The following CASR variants were observed in gnomAD, a reference collection of about 807,000 sequenced individuals.
CASR encodes the protein extracellular calcium-sensing receptor.
A neutral mutation model predicts 69.1 loss-of-function variants in CASR; 23 were observed. The ratio of observed to expected loss-of-function variants is 0.33; its 90% CI spans 0.24 to 0.47. The LOEUF is 0.47. Among genes scored for constraint, CASR ranks in the 20% least tolerant of loss-of-function variants. The probability of loss-of-function intolerance (pLI) is 1.00; values close to 1 mark genes in which losing one functional copy is unlikely to be tolerated. For missense variants in CASR, 924 were observed against 1,356.1 expected (o/e 0.68, Z 5.00); for synonymous variants, 541 against 544.7 (o/e 0.99, Z 0.10).
intron 4 of CASR, among the ~76,000 whole-genome samples, chr3:122,264,232 A>G (rs564172805): frequency 6.6e-6 from 1 of 152,324 alleles, no homozygotes; most frequent in African/African-American, 2.4e-5. Flanking sequence ...TCATGTCACT[A>G]AAAATCTCAG....
At chr3:122,271,527 G>A (rs555328200) in intron 4 of CASR, among the ~76,000 whole-genome samples, 14 of 152,256 alleles carry the variant, frequency 9.2e-5, no homozygotes, top group African/African-American at 3.4e-4. Flanking sequence ...AACTACAAAT[G>A]TCGGTTTCAC....
chr3:122,279,575 T>C (rs569851778), intron 5 of CASR, among the ~76,000 whole-genome samples: 1 of 152,298 alleles, frequency 6.6e-6, no homozygotes, highest in African/African-American at 2.4e-5. Context: ...AGTTCATAAA[T>C]GTAGCTTATT....
At chr3:122,280,520 A>G (rs751475418) in intron 5 of CASR, among the ~76,000 whole-genome samples, 20 of 152,200 alleles carry the variant, frequency 1.3e-4, no homozygotes, top group Admixed American at 7.2e-4. Context: ...TCAAGGACTG[A>G]GAGCACATCT....
chr3:122,272,881 A>G (rs1426271233), intron 4 of CASR, among the ~76,000 whole-genome samples: 1 of 152,236 alleles, frequency 6.6e-6, no homozygotes, highest in Non-Finnish European at 1.5e-5. Flanking sequence ...TGAAGTTAGG[A>G]TTATGGTGGA....
intron 1 of CASR, among the ~76,000 whole-genome samples, chr3:122,226,712 G>A (rs748740268): frequency 3.9e-5 from 6 of 152,140 alleles, no homozygotes; most frequent in Non-Finnish European, 8.8e-5. Flanking sequence ...ACAGAGTGCT[G>A]ATTGGTGCAT....
chr3:122,212,264 TG>T (rs2074075732), intron 1 of CASR, among the ~76,000 whole-genome samples: 1 of 152,170 alleles, frequency 6.6e-6, no homozygotes. Context: ...TGCAGGGACA[TG>T]GATGGAGCTG....
intron 1 of CASR, among the ~76,000 whole-genome samples, chr3:122,222,430 G>C (rs927727155): frequency 6.6e-6 from 1 of 152,058 alleles, no homozygotes; most frequent in African/African-American, 2.4e-5. Flanking sequence ...GGGGTTACTA[G>C]TCTTATATCA....
intron 1 of CASR, among the ~76,000 whole-genome samples, chr3:122,201,619 CG>C (rs1469603540): frequency 3.6e-5 from 5 of 139,680 alleles, no homozygotes; most frequent in African/African-American, 1.5e-4. Flanking sequence ...GGCGGCTGGC[CG>C]GGCGGGGGCG....
rs1470847651 is a variant in CASR, at chr3:122,287,904, G to A, written c.*2713G>A. 1 of 152,208 alleles carries A rather than the reference G, an allele frequency of 6.6e-6. No individual in the cohort carries two copies. 9.4% of individuals were successfully genotyped at this position (152,208 alleles called of 1,614,324 possible). A position where few individuals can be genotyped will look rare whatever the true frequency, so the allele number is the denominator to read the frequency against. ...CACAGAGCTTATGGAGGCTAACAAAGCTTCCAGGGTACCAGAGAAGAAACA... is the reference window on the plus strand; with the variant it reads ...CACAGAGCTTATGGAGGCTAACAAAACTTCCAGGGTACCAGAGAAGAAACA... On this transcript the variant is annotated 3_prime_UTR_variant, in exon 7 of 7. Coordinates refer to ENST00000639785, the MANE Select transcript of CASR (RefSeq NM_000388.4).
In CASR at chr3:122,291,256, G is replaced by T. The variant is rs537767625; in HGVS notation, c.*6065G>T. ...TTGGGTATATACCCAGTAATGGGAT[G>T]GCTGGGTCAAATGGTATTTCTAGTT... On this transcript the variant is annotated 3_prime_UTR_variant, in exon 7 of 7. Transcript: ENST00000639785. 6.6e-6 allele frequency: 1 copy of T among 151,668 alleles called. No homozygotes were observed. Among genetic ancestry groups the T allele is most frequent in the African/African-American group, 2.4e-5 (1 of 41,338 alleles). 9.4% of individuals were successfully genotyped at this position (151,668 alleles called of 1,614,324 possible).
intron 1 of CASR, among the ~76,000 whole-genome samples, chr3:122,240,988 T>A (rs566510068): frequency 6.6e-6 from 1 of 152,104 alleles, no homozygotes; most frequent in East Asian, 1.9e-4. Context: ...AAGCAAATGA[T>A]AATAGAAACA....
chr3:122,200,292 T>C (rs570437693), intron 1 of CASR, among the ~76,000 whole-genome samples: 20 of 152,246 alleles, frequency 1.3e-4, no homozygotes, highest in Non-Finnish European at 2.1e-4. Flanking sequence ...ATTTGATCAT[T>C]ACACATTGTA....
intron 1 of CASR, among the ~76,000 whole-genome samples, chr3:122,235,833 A>G (rs35047509): frequency 0.081 from 12,286 of 152,288 alleles, 586 homozygotes; most frequent in Middle Eastern, 0.16. Flanking sequence ...CATTTAAACA[A>G]TCATTTTTAG....
rs143047343 is a variant in CASR, at chr3:122,282,142, C to T, written c.1638C>T (p.Cys546=). The T allele has an allele frequency of 4.8e-5, 78 of 1,614,058 alleles. No individual in the cohort carries two copies. The highest frequency in any genetic ancestry group is 1.6e-4 in the Middle Eastern group (1 of 6,084). The part of the protein sequence containing the change: ...EVPFSNCSRD[C]LAGTRKGIIE... ...CCTTCTCCAACTGCAGCCGAGACTG[C>T]CTGGCAGGGACCAGGAAAGGGATCA... The change falls in exon 6 of 7, where the codon TGC becomes TGT. Residue 546 remains cysteine, a synonymous_variant. Transcript: ENST00000639785.
chr3:122,232,342 A>C (rs1183786665), intron 1 of CASR, among the ~76,000 whole-genome samples: 1 of 152,124 alleles, frequency 6.6e-6, no homozygotes, highest in Non-Finnish European at 1.5e-5. Context: ...AGAGCACGAG[A>C]GTGAGGCCTG....
chr3:122,221,611 A>G (rs1011108826), intron 1 of CASR, among the ~76,000 whole-genome samples: 10 of 152,274 alleles, frequency 6.6e-5, no homozygotes, highest in African/African-American at 2.4e-4. Context: ...CTAAAGGTGT[A>G]GAATCTTTAC....
chr3:122,213,444 TCA>T (rs1357727451), intron 1 of CASR, among the ~76,000 whole-genome samples: 2 of 152,220 alleles, frequency 1.3e-5, no homozygotes, highest in Admixed American at 1.3e-4. Context: ...AGGCAAACTC[TCA>T]GAGTTAGTTC....
rs2074977259 is a variant in CASR, at chr3:122,287,138, A to G, written c.*1947A>G. 1 of 152,220 alleles carries G rather than the reference A, an allele frequency of 6.6e-6. No homozygotes were observed. Among genetic ancestry groups the G allele is most frequent in the African/African-American group, 2.4e-5 (1 of 41,444 alleles). The allele number at this position is 152,220 out of a possible 1,614,324, so 9.4% of individuals were successfully genotyped here. On this transcript the variant is annotated 3_prime_UTR_variant, in exon 7 of 7. Coordinates refer to ENST00000639785, the MANE Select transcript of CASR (RefSeq NM_000388.4). ...TATTTAACATTTTACTTGGTCTTAAAAGAAATGCTGAAAATGTGATGGTTT... is the reference window on the plus strand; with the variant it reads ...TATTTAACATTTTACTTGGTCTTAAGAGAAATGCTGAAAATGTGATGGTTT...
At chr3:122,211,900 T>C (rs977740657) in intron 1 of CASR, among the ~76,000 whole-genome samples, 1 of 152,058 alleles carries the variant, frequency 6.6e-6, no homozygotes, top group East Asian at 1.9e-4. Context: ...TATTAAAAAG[T>C]AAAGAAACAA....
Sources: gnomAD v4.1 joint callset for allele counts (sites outside exome capture counted in the v4.1 genomes callset) on GRCh38, gnomAD v4.1.1 for gene constraint, MANE v1.5 for transcripts, NCBI Gene and HGNC (gene_info 2026-07-23, HGNC 2026-07-21) for gene names.